The following SENP7 variants were observed in gnomAD, a reference collection of about 807,000 sequenced individuals.
The protein encoded by SENP7 is sentrin-specific protease 7.
Under a neutral mutation model 141.2 loss-of-function variants are expected in SENP7, and 64 were observed. That is an observed-to-expected ratio of 0.45 (90% CI 0.37 to 0.56). The LOEUF (loss-of-function observed/expected upper bound fraction) is 0.56, where lower values mean the gene tolerates loss of function less well. SENP7 is among the 20% of genes least tolerant of loss of function. The pLI is 0.00. For missense variants in SENP7, 1,025 were observed against 1,212.2 expected (o/e 0.85, Z 2.29); for synonymous variants, 382 against 426.4 (o/e 0.90, Z 1.28).
chr3:101,468,992 T>C (rs1169815395), intron 3 of SENP7, among the ~76,000 whole-genome samples: 1 of 151,960 alleles, frequency 6.6e-6, no homozygotes, highest in African/African-American at 2.4e-5. Context: ...AAGACGCACT[T>C]AGGCTCAAAA....
In SENP7 at chr3:101,366,708, T is replaced by C. The variant is rs781395586; in HGVS notation, c.1040A>G (p.His347Arg). 2.5e-6 allele frequency: 4 copies of C among 1,612,630 alleles called. No individual in the cohort carries two copies. Among genetic ancestry groups the C allele is most frequent in the East Asian group, 4.5e-5 (2 of 44,836 alleles). Residue 347 changes from histidine to arginine, a missense_variant, in exon 9 of 24, where the codon CAT becomes CGT. By Grantham distance (29) the His-to-Arg change is conservative. Transcript: ENST00000394095. ...TTCTTCAGGCAGTTTTGGATCCTGATGATAGTTTTCACTTGGCTTTTCAAA... is the reference window on the plus strand; with the variant it reads ...TTCTTCAGGCAGTTTTGGATCCTGACGATAGTTTTCACTTGGCTTTTCAAA... Reference protein sequence around the residue: ...TEFEKPSENYHQDPKLPEEIT... With the variant: ...TEFEKPSENYRQDPKLPEEIT...
intron 2 of SENP7, among the ~76,000 whole-genome samples, chr3:101,499,461 C>T (rs902536710): frequency 3.3e-5 from 5 of 152,014 alleles, no homozygotes; most frequent in Non-Finnish European, 5.9e-5. Flanking sequence ...CTCTGCCTCC[C>T]GGGTTCAAGC....
intron 4 of SENP7, among the ~76,000 whole-genome samples, chr3:101,428,786 A>AT (rs1342266947): frequency 1.1e-4 from 16 of 151,796 alleles, no homozygotes; most frequent in African/African-American, 3.6e-4. Context: ...GTCCTGAATG[A>AT]TATTGCCTAG....
chr3:101,503,260 A>T (rs2065463038), intron 1 of SENP7, among the ~76,000 whole-genome samples: 1 of 152,242 alleles, frequency 6.6e-6, no homozygotes, highest in African/African-American at 2.4e-5. Context: ...TGACAACACC[A>T]AATATTGGTG....
chr3:101,492,367 C>A (rs1007285951), intron 3 of SENP7, among the ~76,000 whole-genome samples: 1 of 151,538 alleles, frequency 6.6e-6, no homozygotes, highest in Admixed American at 6.6e-5. Context: ...AGAGCAAGAC[C>A]CTGTCTCAAA....
intron 6 of SENP7, among the ~76,000 whole-genome samples, chr3:101,390,168 C>T (rs747544053): frequency 2.2e-5 from 3 of 137,716 alleles, no homozygotes; most frequent in Admixed American, 8.1e-5. Flanking sequence ...TGCAGTGAGT[C>T]GAGATTGTGC....
intron 4 of SENP7, among the ~76,000 whole-genome samples, chr3:101,440,645 A>G (rs1423847392): frequency 6.6e-6 from 1 of 151,894 alleles, no homozygotes. Flanking sequence ...ACAATGAAGG[A>G]GAGAAAGTTT....
chr3:101,436,626 T>C (rs2062398669), intron 4 of SENP7, among the ~76,000 whole-genome samples: 1 of 152,040 alleles, frequency 6.6e-6, no homozygotes, highest in Non-Finnish European at 1.5e-5. Context: ...TTTGAATAGA[T>C]ATTTTTCCAA....
In SENP7 at chr3:101,331,904, C is replaced by T. The variant is rs2059065232; in HGVS notation, c.2698+81G>A. ...TTAATGATAGTAAATAACTATACTA[C>T]CGTTAACTTCATTTTCTTCCCTGTA... On this transcript the variant is annotated intron_variant, in intron 19 of 23. Coordinates refer to ENST00000394095, the MANE Select transcript of SENP7 (RefSeq NM_020654.5). The T allele has an allele frequency of 7.1e-6, 10 of 1,404,230 alleles. No individual in the cohort carries two copies. The East Asian group carries it at 1.2e-4, about 16-fold the overall frequency. 87.0% of individuals were successfully genotyped at this position (1,404,230 alleles called of 1,614,324 possible).
intron 17 of SENP7, among the ~76,000 whole-genome samples, chr3:101,336,967 C>T (rs1049327556): frequency 2.0e-5 from 3 of 152,026 alleles, no homozygotes; most frequent in African/African-American, 7.2e-5. Flanking sequence ...CCCTATATAA[C>T]AGATAGAATT....
intron 4 of SENP7, among the ~76,000 whole-genome samples, chr3:101,432,486 G>A (rs1559816506): frequency 6.6e-6 from 1 of 152,186 alleles, no homozygotes; most frequent in East Asian, 1.9e-4. Context: ...TCTTGGGAGA[G>A]ACCCAGGCTG....
At chr3:101,337,653 A>G (rs2059221411) in intron 16 of SENP7, 22 bp from the exon 17 acceptor site, 2 of 1,502,414 alleles carry the variant, frequency 1.3e-6, no homozygotes, top group Non-Finnish European at 1.8e-6. Flanking sequence ...TAACCCCACA[A>G]AAGTAAATTA....
chr3:101,401,225 C>G (rs1218521031), intron 5 of SENP7, among the ~76,000 whole-genome samples: 1 of 151,948 alleles, frequency 6.6e-6, no homozygotes, highest in Non-Finnish European at 1.5e-5. Context: ...AGTTCTTGAA[C>G]AAATTTAAAA....
intron 5 of SENP7, among the ~76,000 whole-genome samples, chr3:101,411,373 C>T (rs772481632): frequency 2.2e-4 from 34 of 152,116 alleles, no homozygotes; most frequent in Non-Finnish European, 4.6e-4. Context: ...TAGATGTTTG[C>T]AATTTTCAAT....
intron 13 of SENP7, among the ~76,000 whole-genome samples, chr3:101,344,591 A>C (rs776220083): frequency 2.6e-5 from 4 of 152,218 alleles, no homozygotes; most frequent in Non-Finnish European, 5.9e-5. Context: ...AATTTGATTG[A>C]TGTAGTTCTA....
At chr3:101,334,379 C>T (rs1440844021) in intron 17 of SENP7, among the ~76,000 whole-genome samples, 1 of 152,092 alleles carries the variant, frequency 6.6e-6, no homozygotes, top group Non-Finnish European at 1.5e-5. Flanking sequence ...TATGTGACTT[C>T]TGGCTCAGTC....
At chr3:101,398,559 A>G (rs185056291) in intron 6 of SENP7, among the ~76,000 whole-genome samples, 78 of 152,340 alleles carry the variant, frequency 5.1e-4, no homozygotes, top group African/African-American at 1.4e-3. Flanking sequence ...GACTAATGTC[A>G]GAGGAATGGA....
chr3:101,369,149 A>C (rs887287456), intron 7 of SENP7, among the ~76,000 whole-genome samples: 2 of 152,220 alleles, frequency 1.3e-5, no homozygotes, highest in Non-Finnish European at 2.9e-5. Context: ...TACTGTACAA[A>C]AATACCTTCC....
chr3:101,476,161 T>C (rs1488335538), intron 3 of SENP7, among the ~76,000 whole-genome samples: 1 of 152,132 alleles, frequency 6.6e-6, no homozygotes, highest in East Asian at 1.9e-4. Context: ...GCAGGTTTGT[T>C]ACATAAGTAT....
Sources: gnomAD v4.1 joint callset for allele counts (sites outside exome capture counted in the v4.1 genomes callset) on GRCh38, gnomAD v4.1.1 for gene constraint, MANE v1.5 for transcripts, NCBI Gene and HGNC (gene_info 2026-07-23, HGNC 2026-07-21) for gene names.